Variants in GPT2 observed in about 807,000 individuals in gnomAD.
GPT2 encodes glutamic--pyruvic transaminase 2.
Under a neutral mutation model 56.9 loss-of-function variants are expected in GPT2, and 30 were observed. The observed-to-expected ratio is 0.53, with a 90% CI of 0.39 to 0.72. The LOEUF is 0.72. Ranked by LOEUF, GPT2 falls within the 30% of genes least tolerant of loss-of-function variation. The pLI, the probability that GPT2 is intolerant of heterozygous loss-of-function variation, is 0.00. For missense variants in GPT2, 542 were observed against 703.4 expected (o/e 0.77, Z 2.60); for synonymous variants, 271 against 283.1 (o/e 0.96, Z 0.43).
At chr16:46,914,655 G>A (rs767856952) in intron 6 of GPT2, among the ~76,000 whole-genome samples, 5 of 152,222 alleles carry the variant, frequency 3.3e-5, no homozygotes, top group Non-Finnish European at 5.9e-5. Flanking sequence ...CAAAGCTGGT[G>A]CCCAGGCCCA....
rs1220952403 is a variant in GPT2, at chr16:46,887,770, C to CTCT, written c.243+2813_243+2815dup. ...GTGGGCCGTTTGGCTGGACATGTGG[C>CTCT]TCTGGTGTTTGACTTTGGGTGGCTG... is the stretch of plus-strand genomic sequence containing the variant. On this transcript the variant is annotated intron_variant, in intron 2 of 11. Transcript: ENST00000340124. 3.3e-5 allele frequency among the ~76,000 whole-genome samples: 5 copies of CTCT among 152,262 alleles called. No individual in the cohort carries two copies. In the East Asian group the frequency reaches 9.6e-4, roughly 29 times the overall value.
At chr16:46,916,002 CCCA>C (rs1220926564) in intron 6 of GPT2, 1 of 152,872 alleles carries the variant, frequency 6.5e-6, no homozygotes, top group African/African-American at 2.4e-5. Flanking sequence ...GTGCACACAC[CCCA>C]CCACACCTAC....
chr16:46,905,772 A>C (rs1365475396), intron 4 of GPT2, among the ~76,000 whole-genome samples: 1 of 152,128 alleles, frequency 6.6e-6, no homozygotes, highest in East Asian at 1.9e-4. Context: ...GCACACATCG[A>C]TGTCTCCCCA....
chr16:46,893,154 G>A (rs1330034530), intron 2 of GPT2, among the ~76,000 whole-genome samples: 7 of 151,928 alleles, frequency 4.6e-5, no homozygotes, highest in Non-Finnish European at 8.8e-5. Context: ...TTTTTGAGTC[G>A]GAGTCTTGCT....
At chr16:46,906,803 C>T (rs1960939236) in intron 4 of GPT2, 39 bp from the exon 5 acceptor site, 1 of 1,608,098 alleles carries the variant, frequency 6.2e-7, no homozygotes, top group Admixed American at 1.7e-5. Flanking sequence ...TGGAGCCAGA[C>T]ATCCTGCCTC....
At chr16:46,918,895 C>CACTGGGGAGATG in intron 8 of GPT2, 138 bp downstream of exon 8, 4 of 1,056,010 alleles carry the variant, frequency 3.8e-6, no homozygotes, top group Non-Finnish European at 5.5e-6. Flanking sequence ...CTGCATCTCC[C>CACTGGGGAGATG]CAGTGGGAGA....
chr16:46,924,030 G>C (rs1961349160), intron 9 of GPT2: 1 of 366,532 alleles, frequency 2.7e-6, no homozygotes, highest in African/African-American at 2.1e-5. Flanking sequence ...ACACCCCAGG[G>C]CACGTGGCAG....
rs764539542 is a variant in GPT2, at chr16:46,929,001, C to T, written c.*4C>T. ...CTTCCTGGAGAAGTACGCGTGAGGA[C>T]GCCTGAGCCCCAGCGGGAGACCTGT... On this transcript the variant is annotated 3_prime_UTR_variant, in exon 12 of 12. Transcript: ENST00000340124. 1.1e-5 allele frequency: 17 copies of T among 1,611,558 alleles called. No homozygotes were observed. In the Admixed American group the frequency reaches 1.2e-4, roughly 11 times the overall value.
At chr16:46,921,154 G>A (rs1961278536) in intron 8 of GPT2, among the ~76,000 whole-genome samples, 1 of 152,132 alleles carries the variant, frequency 6.6e-6, no homozygotes, top group South Asian at 2.1e-4. Context: ...GATCCCAAAA[G>A]CATGGTTTTT....
intron 2 of GPT2, among the ~76,000 whole-genome samples, chr16:46,894,814 C>T (rs145564558): frequency 0.022 from 3,285 of 152,232 alleles, 48 homozygotes; most frequent in Middle Eastern, 0.037. Flanking sequence ...TACAGGCGCC[C>T]GCCCCCACGC....
At position 46,897,713 on chromosome 16, in the gene GPT2, G is replaced by A; in HGVS notation, c.309G>A (p.Gln103=). ...ANIGDAQAMG[Q]QPITFLRQVM... ...TCGGGGACGCCCAGGCTATGGGGCA[G>A]CAGCCAATCACCTTCCTCCGGCAGG... The change falls in exon 3 of 12, where the codon CAG becomes CAA. Residue 103 remains glutamine (Q), a synonymous_variant. Coordinates refer to ENST00000340124, the MANE Select transcript of GPT2 (RefSeq NM_133443.4). 2.5e-6 allele frequency: 4 copies of A among 1,614,030 alleles called. No homozygotes were observed. The highest frequency in any genetic ancestry group is 3.4e-6 in the Non-Finnish European group (4 of 1,179,936).
chr16:46,900,582 C>T (rs539164521), intron 3 of GPT2, 100 bp from the exon 4 acceptor site: 2 of 876,328 alleles, frequency 2.3e-6, no homozygotes, highest in African/African-American at 1.7e-5. Flanking sequence ...TGCGTCAGCC[C>T]CATCCCTGGG....
intron 2 of GPT2, 146 bp downstream of exon 2, chr16:46,885,104 C>T (rs1960458758): frequency 7.4e-7 from 1 of 1,351,024 alleles, no homozygotes; most frequent in Non-Finnish European, 9.5e-7. Context: ...GAGAATGCCC[C>T]CTCCCGCCCG....
At chr16:46,912,474 C>T (rs1378710321) in intron 6 of GPT2, among the ~76,000 whole-genome samples, 1 of 152,218 alleles carries the variant, frequency 6.6e-6, no homozygotes, top group African/African-American at 2.4e-5. Context: ...AGTCAAATCC[C>T]TGGGACTCTG....
chr16:46,892,029 C>T (rs970210912), intron 2 of GPT2, among the ~76,000 whole-genome samples: 3 of 152,006 alleles, frequency 2.0e-5, no homozygotes, highest in Non-Finnish European at 2.9e-5. Flanking sequence ...AATGTGTCAT[C>T]TTACAACTGA....
At chr16:46,915,823 A>T (rs1444183777) in intron 6 of GPT2, 1 of 144,376 alleles carries the variant, frequency 6.9e-6, no homozygotes, top group Non-Finnish European at 1.5e-5. Flanking sequence ...ACACACCCCC[A>T]TCACACCTAC....
At chr16:46,916,185 A>G (rs997855064) in intron 6 of GPT2, 3 of 155,286 alleles carry the variant, frequency 1.9e-5, no homozygotes, top group Non-Finnish European at 4.3e-5. Context: ...CGTCTCTACT[A>G]AAAATACAAA....
chr16:46,894,945 G>A (rs981538768), intron 2 of GPT2, among the ~76,000 whole-genome samples: 9 of 152,234 alleles, frequency 5.9e-5, no homozygotes, highest in African/African-American at 1.7e-4. Flanking sequence ...GATTACAGGC[G>A]TGAGCCACCG....
At chr16:46,895,074 C>G (rs549069963) in intron 2 of GPT2, among the ~76,000 whole-genome samples, 2 of 152,128 alleles carry the variant, frequency 1.3e-5, no homozygotes, top group Non-Finnish European at 2.9e-5. Context: ...GTAGGACTTA[C>G]GCCCTGTTTA....
Sources: allele counts gnomAD v4.1 joint callset (sites outside exome capture counted in the v4.1 genomes callset), GRCh38; gene constraint gnomAD v4.1.1; transcripts MANE v1.5; gene names NCBI Gene and HGNC (gene_info 2026-07-23, HGNC 2026-07-21).